CNTN5: variants seen among roughly 807,000 people sequenced by gnomAD.
CNTN5 encodes the protein contactin 5.
A neutral mutation model predicts 129.1 loss-of-function variants in CNTN5; 77 were observed. The ratio of observed to expected loss-of-function variants is 0.60; its 90% CI spans 0.50 to 0.72. The LOEUF (loss-of-function observed/expected upper bound fraction) is 0.72. Ranked by LOEUF, CNTN5 falls within the 30% of genes least tolerant of loss-of-function variation. The pLI, the probability that CNTN5 is intolerant of heterozygous loss-of-function variation, is 0.00. For missense variants in CNTN5, 1,478 were observed against 1,328.8 expected (o/e 1.11, Z -1.75); for synonymous variants, 509 against 465.6 (o/e 1.09, Z -1.20).
chr11:99,209,001 A>C (rs978636261), intron 1 of CNTN5, among the ~76,000 whole-genome samples: 5 of 152,288 alleles, frequency 3.3e-5, no homozygotes, highest in East Asian at 1.9e-4. Flanking sequence ...TCATTAAAAT[A>C]TATTTTAATA....
chr11:99,293,364 C>T (rs1354285879), intron 1 of CNTN5, among the ~76,000 whole-genome samples: 3 of 152,070 alleles, frequency 2.0e-5, no homozygotes, highest in Non-Finnish European at 2.9e-5. Context: ...CATCTATCTT[C>T]GTCAGGGATA....
At chr11:100,010,289 C>T (rs1940444594) in intron 9 of CNTN5, among the ~76,000 whole-genome samples, 1 of 151,876 alleles carries the variant, frequency 6.6e-6, no homozygotes. Flanking sequence ...AAGTCAGTAA[C>T]TACAGAAAGC....
chr11:99,045,694 C>A (rs1864177440), intron 1 of CNTN5, among the ~76,000 whole-genome samples: 1 of 152,124 alleles, frequency 6.6e-6, no homozygotes, highest in Admixed American at 6.6e-5. Context: ...TAATAGATTG[C>A]AAAACTTTAA....
At chr11:99,390,601 A>G (rs987510859) in intron 2 of CNTN5, among the ~76,000 whole-genome samples, 1 of 152,152 alleles carries the variant, frequency 6.6e-6, no homozygotes, top group East Asian at 1.9e-4. Context: ...TTTGCGTACA[A>G]ACTAATGAAA....
At chr11:99,964,301 C>T (rs968206810) in intron 8 of CNTN5, among the ~76,000 whole-genome samples, 7 of 152,096 alleles carry the variant, frequency 4.6e-5, no homozygotes, top group African/African-American at 1.7e-4. Context: ...GTGGGTTTGT[C>T]ATAGATAGCT....
intron 10 of CNTN5, among the ~76,000 whole-genome samples, chr11:100,063,224 T>A (rs1943553296): frequency 2.0e-5 from 3 of 149,892 alleles, no homozygotes; most frequent in Admixed American, 2.0e-4. Flanking sequence ...GATGACTGTT[T>A]CCAGAAATGT....
chr11:99,798,367 C>T (rs1946013828), intron 3 of CNTN5, among the ~76,000 whole-genome samples: 1 of 152,104 alleles, frequency 6.6e-6, no homozygotes, highest in African/African-American at 2.4e-5. Context: ...CTGTCCAGAA[C>T]AGTGTTTTCT....
chr11:100,297,533 A>T, intron 18 of CNTN5, 92 bp from the exon 19 acceptor site: 1 of 908,860 alleles, frequency 1.1e-6, no homozygotes, highest in Non-Finnish European at 1.8e-6. Context: ...GACCATTCTG[A>T]CTTCAAACAA....
chr11:100,003,723 C>G (rs1940020852), intron 9 of CNTN5: 1 of 152,162 alleles, frequency 6.6e-6, no homozygotes, highest in Admixed American at 6.6e-5. Context: ...ACAGTCAAAT[C>G]ACTAAATCAC....
At chr11:99,834,840 G>A (rs1370355361) in intron 4 of CNTN5, among the ~76,000 whole-genome samples, 1 of 152,142 alleles carries the variant, frequency 6.6e-6, no homozygotes, top group Non-Finnish European at 1.5e-5. Context: ...TAATTTACAA[G>A]TTTAGTTTAA....
intron 3 of CNTN5, among the ~76,000 whole-genome samples, chr11:99,635,581 G>A (rs1367206350): frequency 2.6e-5 from 4 of 151,960 alleles, no homozygotes; most frequent in Non-Finnish European, 4.4e-5. Flanking sequence ...TGTGTTCTGA[G>A]TAGTAACCTC....
At chr11:100,050,444 G>A (rs988607154) in intron 9 of CNTN5, among the ~76,000 whole-genome samples, 33 of 151,776 alleles carry the variant, frequency 2.2e-4, no homozygotes, top group Admixed American at 8.5e-4. Context: ...ATGGACACAG[G>A]AAGGGGAACA....
At chr11:99,131,674 CAT>C (rs1858945794) in intron 1 of CNTN5, among the ~76,000 whole-genome samples, 1 of 152,104 alleles carries the variant, frequency 6.6e-6, no homozygotes, top group South Asian at 2.1e-4. Context: ...TTTCTGGACA[CAT>C]ATACCCTCCC....
At chr11:99,369,210 T>TCTATATA in intron 2 of CNTN5, among the ~76,000 whole-genome samples, 1 of 56,176 alleles carries the variant, frequency 1.8e-5, no homozygotes, top group Admixed American at 2.3e-4. Context: ...TAATATATAT[T>TCTATATA]ATATATAATA....
chr11:99,267,145 A>G (rs1862939710), intron 1 of CNTN5, among the ~76,000 whole-genome samples: 1 of 152,186 alleles, frequency 6.6e-6, no homozygotes, highest in East Asian at 1.9e-4. Context: ...GAAGCCAGCT[A>G]GACAAGGATA....
At chr11:99,941,964 C>CT (rs1009476712) in intron 7 of CNTN5, among the ~76,000 whole-genome samples, 3 of 151,932 alleles carry the variant, frequency 2.0e-5, no homozygotes, top group African/African-American at 7.2e-5. Context: ...TTTCACTAAA[C>CT]TTAAAATAAC....
At chr11:99,599,132 A>G (rs772711505) in intron 3 of CNTN5, among the ~76,000 whole-genome samples, 12 of 152,004 alleles carry the variant, frequency 7.9e-5, no homozygotes, top group Non-Finnish European at 1.5e-4. Context: ...CTCATAATAT[A>G]CACTGTGTCT....
chr11:99,477,748 A>G (rs555861737), intron 2 of CNTN5, among the ~76,000 whole-genome samples: 1 of 151,840 alleles, frequency 6.6e-6, no homozygotes, highest in South Asian at 2.1e-4. Flanking sequence ...CCAGGAATTC[A>G]AGACCAACCT....
chr11:99,984,833 G>A (rs567948896), intron 8 of CNTN5, among the ~76,000 whole-genome samples: 3 of 152,316 alleles, frequency 2.0e-5, no homozygotes, highest in African/African-American at 7.2e-5. Context: ...CATTGGAGCT[G>A]ATGCAGAATA....
Sources: allele counts gnomAD v4.1 joint callset (sites outside exome capture counted in the v4.1 genomes callset), GRCh38; gene constraint gnomAD v4.1.1; transcripts MANE v1.5; gene names NCBI Gene and HGNC (gene_info 2026-07-23, HGNC 2026-07-21).